Variants in CTSS observed in about 807,000 individuals in gnomAD.
CTSS encodes cathepsin S.
CTSS carries 15 observed loss-of-function variants against 39.9 expected under a neutral mutation model. The ratio of observed to expected loss-of-function variants is 0.38; its 90% CI spans 0.25 to 0.58. The LOEUF is 0.58. CTSS is among the 20% of genes least tolerant of loss of function. The pLI, the probability that CTSS is intolerant of heterozygous loss-of-function variation, is 0.70. For missense variants in CTSS, 250 were observed against 398.2 expected (o/e 0.63, Z 3.17); for synonymous variants, 126 against 138.2 (o/e 0.91, Z 0.62).
intron 7 of CTSS, among the ~76,000 whole-genome samples, chr1:150,737,176 C>A (rs1187557453): frequency 6.6e-6 from 1 of 152,100 alleles, no homozygotes; most frequent in Non-Finnish European, 1.5e-5. Flanking sequence ...AACCTCGCCT[C>A]ACTGCAACCT....
At chr1:150,738,134 G>C (rs1248182397) in intron 7 of CTSS, among the ~76,000 whole-genome samples, 1 of 152,144 alleles carries the variant, frequency 6.6e-6, no homozygotes, top group Non-Finnish European at 1.5e-5. Context: ...AGATAATTCT[G>C]GTTACTGTGT....
intron 7 of CTSS, among the ~76,000 whole-genome samples, chr1:150,747,264 T>G (rs1372949499): frequency 2.6e-5 from 4 of 152,134 alleles, no homozygotes; most frequent in Non-Finnish European, 5.9e-5. Flanking sequence ...GAGAGAGTAC[T>G]GAATTATTTG....
chr1:150,748,054 GGC>G (rs1652926384), intron 6 of CTSS, 175 bp from the exon 7 acceptor site: 1 of 506,428 alleles, frequency 2.0e-6, no homozygotes. Context: ...AAGTTTGGGA[GGC>G]CAAGGCGGGC....
At chr1:150,736,861 C>T (rs767496350) in intron 7 of CTSS, among the ~76,000 whole-genome samples, 5 of 152,004 alleles carry the variant, frequency 3.3e-5, no homozygotes, top group Non-Finnish European at 7.4e-5. Flanking sequence ...ATGTTCATTT[C>T]GGTACTTACC....
At chr1:150,742,259 A>C (rs587680347) in intron 7 of CTSS, among the ~76,000 whole-genome samples, 2 of 152,290 alleles carry the variant, frequency 1.3e-5, no homozygotes, top group East Asian at 3.9e-4. Flanking sequence ...CCATCTCAAA[A>C]AAAAAAAGAA....
chr1:150,746,532 A>T (rs1016027925), intron 7 of CTSS, among the ~76,000 whole-genome samples: 2 of 152,198 alleles, frequency 1.3e-5, no homozygotes, highest in Non-Finnish European at 2.9e-5. Flanking sequence ...CAATTTAAAT[A>T]TAATGCCTAA....
chr1:150,745,988 ATCTTATACCTGAAAGTTT>A (rs1652886735), intron 7 of CTSS, among the ~76,000 whole-genome samples: 1 of 152,172 alleles, frequency 6.6e-6, no homozygotes, highest in African/African-American at 2.4e-5. Context: ...GAATCTGTTC[ATCTTATACCTGAAAGTTT>A]ACACTCTTTG....
rs1408521450 is a variant in CTSS at position 150,760,035 on chromosome 1, A to G, written c.127-2055T>C. ...CTAACTAAGTGCAAGAAAGGAAAAA[A>G]AAAAAAAGAAGTGCACTTTGAGATC... On this transcript the variant is annotated intron_variant, in intron 2 of 7. Coordinates refer to ENST00000368985, the MANE Select transcript of CTSS (RefSeq NM_004079.5). Among the ~76,000 whole-genome samples, 4 of 152,324 alleles carry G rather than the reference A, an allele frequency of 2.6e-5. No individual in the cohort carries two copies. In the East Asian group the frequency reaches 7.7e-4, roughly 29 times the overall value.
chr1:150,755,704 C>CACTCCAGCCTGGGCGACAGAGT (rs1653109621), intron 3 of CTSS, among the ~76,000 whole-genome samples: 1 of 151,590 alleles, frequency 6.6e-6, no homozygotes, highest in Non-Finnish European at 1.5e-5. Context: ...CGCGCCAGTG[C>CACTCCAGCCTGGGCGACAGAGT]ACTCCAGCCT....
At chr1:150,758,916 A>G (rs1182848305) in intron 2 of CTSS, among the ~76,000 whole-genome samples, 4 of 149,080 alleles carry the variant, frequency 2.7e-5, no homozygotes, top group Middle Eastern at 3.6e-3. Context: ...TGGTATGATC[A>G]TAGCTCACTA....
intron 3 of CTSS, among the ~76,000 whole-genome samples, chr1:150,755,961 T>G (rs760048387): frequency 2.0e-4 from 30 of 152,158 alleles, no homozygotes; most frequent in Admixed American, 7.2e-4. Context: ...ATGCAACTTT[T>G]TTACTTAATA....
chr1:150,742,013 C>T (rs1439366291), intron 7 of CTSS, among the ~76,000 whole-genome samples: 1 of 151,664 alleles, frequency 6.6e-6, no homozygotes, highest in Non-Finnish European at 1.5e-5. Context: ...CCGAGGTGGG[C>T]AGATCACGAG....
chr1:150,756,306 C>A (rs587725913), intron 3 of CTSS, among the ~76,000 whole-genome samples: 3 of 152,264 alleles, frequency 2.0e-5, no homozygotes, highest in African/African-American at 7.2e-5. Context: ...TCCTGAAGGA[C>A]CTGCCTGAGG....
At chr1:150,748,909 T>C (rs1011098006) in intron 6 of CTSS, among the ~76,000 whole-genome samples, 1 of 152,256 alleles carries the variant, frequency 6.6e-6, no homozygotes, top group Non-Finnish European at 1.5e-5. Flanking sequence ...ATATCTGTTA[T>C]GGTCATCTGT....
Position 150,731,171 on chromosome 1 carries a change from T to G in CTSS, c.*1875A>C, listed in dbSNP as rs1652513747. 6.6e-6 allele frequency: 1 copy of G among 152,236 alleles called. No homozygotes were observed. Among genetic ancestry groups the G allele is most frequent in the South Asian group, 2.1e-4 (1 of 4,838 alleles). 9.4% of individuals were successfully genotyped at this position (152,236 alleles called of 1,614,324 possible). On this transcript the variant is annotated 3_prime_UTR_variant, in exon 8 of 8. Coordinates refer to ENST00000368985, the MANE Select transcript of CTSS (RefSeq NM_004079.5). ...GGGAGGCTGGGGTGGGTGGATCACC[T>G]GAGGTCAGGAGTTTGAGACCAGCCT... is the stretch of plus-strand genomic sequence containing the variant.
In CTSS at chr1:150,757,888, G is replaced by A. The variant is rs139535421; in HGVS notation, c.219C>T (p.Tyr73=). The A allele has an allele frequency of 1.5e-5, 25 of 1,613,778 alleles. No homozygotes were observed. The highest frequency in any genetic ancestry group is 1.2e-4 in the African/African-American group (9 of 74,910). The change falls in exon 3 of 8, where the codon TAC becomes TAT. Residue 73 remains tyrosine, a synonymous_variant. Coordinates refer to ENST00000368985, the MANE Select transcript of CTSS (RefSeq NM_004079.5). ...CTCCCAGGTGGTTCATGCCCAGATC[G>A]TATGAGTGCATTCCCATTGAATGCT... ...NLEHSMGMHS[Y]DLGMNHLGDM... is the part of the protein sequence containing the mutation.
chr1:150,764,585 T>C, intron 2 of CTSS, 53 bp downstream of exon 2: 1 of 1,607,614 alleles, frequency 6.2e-7, no homozygotes, highest in South Asian at 1.1e-5. Context: ...TTTTAAGAGG[T>C]AGAAAACAGT....
chr1:150,757,048 C>T (rs1252102294), intron 3 of CTSS, among the ~76,000 whole-genome samples: 1 of 152,072 alleles, frequency 6.6e-6, no homozygotes, highest in Non-Finnish European at 1.5e-5. Flanking sequence ...ATAACTGTAA[C>T]TGTGAATATA....
chr1:150,764,619 G>C lies in CTSS; in HGVS notation c.126+19C>G. ...GTACTCCTTTAAAAGCATATCGCTC[G>C]AGTGGCAATCCAATCTACCTTTTCC... On this transcript the variant is annotated intron_variant, in intron 2 of 7. Transcript: ENST00000368985. 2 of 1,613,640 alleles carry C rather than the reference G, an allele frequency of 1.2e-6. No homozygotes were observed. The highest frequency in any genetic ancestry group is 1.7e-4 in the Middle Eastern group (1 of 6,056).
Sources: allele counts gnomAD v4.1 joint callset (sites outside exome capture counted in the v4.1 genomes callset), GRCh38; gene constraint gnomAD v4.1.1; transcripts MANE v1.5; gene names NCBI Gene and HGNC (gene_info 2026-07-23, HGNC 2026-07-21).